DIP2B: variants seen among roughly 807,000 people sequenced by gnomAD.
The protein encoded by DIP2B is disco-interacting protein 2 homolog B.
Under a neutral mutation model 198.0 loss-of-function variants are expected in DIP2B, and 76 were observed. That is an observed-to-expected ratio of 0.38 (90% CI 0.32 to 0.46). DIP2B has a LOEUF of 0.46. Ranked by LOEUF, DIP2B falls within the 20% of genes least tolerant of loss-of-function variation. The pLI is 0.99. For missense variants in DIP2B, 1,559 were observed against 1,978.4 expected (o/e 0.79, Z 4.02); for synonymous variants, 701 against 739.1 (o/e 0.95, Z 0.84).
chr12:50,689,219 G>A lies in DIP2B; in HGVS notation c.1552-1830G>A, dbSNP rs550387436. Among the ~76,000 whole-genome samples the A allele has an allele frequency of 2.9e-3, 443 of 152,108 alleles. 5 individuals are homozygous for A. The highest frequency in any genetic ancestry group is 0.01 in the African/African-American group (418 of 41,500). On this transcript the variant is annotated intron_variant, in intron 12 of 37. Coordinates refer to ENST00000301180, the MANE Select transcript of DIP2B (RefSeq NM_173602.3). ...TCGAGACGAGCCTGGGCAACATGGCGAAATTCTGTCTCTACAAAAAATAAC... is the reference window on the plus strand; with the variant it reads ...TCGAGACGAGCCTGGGCAACATGGCAAAATTCTGTCTCTACAAAAAATAAC...
intron 1 of DIP2B, among the ~76,000 whole-genome samples, chr12:50,578,657 G>A (rs1411533895): frequency 4.6e-5 from 7 of 151,732 alleles, no homozygotes; most frequent in African/African-American, 1.7e-4. Flanking sequence ...ACAGGCGCCC[G>A]CCATCACACC....
At chr12:50,671,989 G>A (rs1321386414) in intron 5 of DIP2B, among the ~76,000 whole-genome samples, 10 of 152,160 alleles carry the variant, frequency 6.6e-5, no homozygotes, top group Non-Finnish European at 1.2e-4. Flanking sequence ...TTTTGTGTGT[G>A]TGTTTTTTTA....
intron 1 of DIP2B, among the ~76,000 whole-genome samples, chr12:50,582,277 A>G (rs1958732777): frequency 6.7e-6 from 1 of 149,902 alleles, no homozygotes; most frequent in Non-Finnish European, 1.5e-5. Context: ...TCAGCCTCCA[A>G]GTAGCTGGGA....
intron 37 of DIP2B, 57 bp from the exon 38 acceptor site, chr12:50,744,530 A>G (rs1447558578): frequency 2.0e-5 from 32 of 1,601,558 alleles, no homozygotes; most frequent in Admixed American, 1.7e-5. Flanking sequence ...GACAGATGCT[A>G]TAAAAGATAA....
chr12:50,665,735 C>A (rs187174771), intron 4 of DIP2B, among the ~76,000 whole-genome samples: 2 of 149,916 alleles, frequency 1.3e-5, no homozygotes, highest in Non-Finnish European at 3.0e-5. Flanking sequence ...ATAATCACAG[C>A]ACTGTACTCC....
At chr12:50,640,389 T>C (rs946958901) in intron 2 of DIP2B, among the ~76,000 whole-genome samples, 1 of 152,124 alleles carries the variant, frequency 6.6e-6, no homozygotes, top group Non-Finnish European at 1.5e-5. Flanking sequence ...CCCCAAGCTA[T>C]TCGTTGTCTC....
At chr12:50,537,478 C>T (rs570062623) in intron 1 of DIP2B, among the ~76,000 whole-genome samples, 4 of 151,900 alleles carry the variant, frequency 2.6e-5, no homozygotes, top group East Asian at 1.9e-4. Flanking sequence ...TCTGAGTTGC[C>T]GGTTTGGGGT....
At position 50,623,392 on chromosome 12, in the gene DIP2B, TAC is replaced by T. The variant is rs55689070; in HGVS notation, c.101-2539_101-2538del. 5.5e-3 allele frequency among the ~76,000 whole-genome samples: 517 copies of T among 94,412 alleles called. 4 individuals are homozygous for T. Among genetic ancestry groups the T allele is most frequent in the African/African-American group, 0.011 (264 of 24,536 alleles). The allele number at this position is 94,412 out of a possible 152,430, so 61.9% of individuals were successfully genotyped here. A position where few individuals can be genotyped will look rare whatever the true frequency, so the allele number is the denominator to read the frequency against. On this transcript the variant is annotated intron_variant, in intron 1 of 37. Coordinates refer to ENST00000301180, the MANE Select transcript of DIP2B (RefSeq NM_173602.3). ...ACCCTGCCTCCAAAATATATGTATCTACACACACACACACACACACACACACA... is the reference window on the plus strand; with the variant it reads ...ACCCTGCCTCCAAAATATATGTATCTACACACACACACACACACACACACA...
At chr12:50,667,683 C>A (rs1163669114) in intron 4 of DIP2B, among the ~76,000 whole-genome samples, 1 of 152,184 alleles carries the variant, frequency 6.6e-6, no homozygotes, top group Admixed American at 6.5e-5. Flanking sequence ...GTATTATTTT[C>A]TTCTACCAAC....
chr12:50,576,257 C>T (rs528621940), intron 1 of DIP2B, among the ~76,000 whole-genome samples: 3 of 149,880 alleles, frequency 2.0e-5, no homozygotes, highest in African/African-American at 2.5e-5. Context: ...TTAGTAGAGA[C>T]GGTTTCTCCA....
chr12:50,574,783 A>C (rs1334933975), intron 1 of DIP2B, among the ~76,000 whole-genome samples: 1 of 152,244 alleles, frequency 6.6e-6, no homozygotes, highest in African/African-American at 2.4e-5. Context: ...GGGTAGGAGA[A>C]GTAGCCTGAC....
At chr12:50,717,896 CTTTTT>C (rs60627093) in intron 23 of DIP2B, among the ~76,000 whole-genome samples, 3 of 87,056 alleles carry the variant, frequency 3.4e-5, no homozygotes, top group Admixed American at 3.3e-4. Flanking sequence ...CCATTATTCA[CTTTTT>C]TTTTTTTTTT....
At chr12:50,651,398 T>C (rs1221936716) in intron 3 of DIP2B, among the ~76,000 whole-genome samples, 1 of 152,260 alleles carries the variant, frequency 6.6e-6, no homozygotes, top group Non-Finnish European at 1.5e-5. Flanking sequence ...CAATAAATTG[T>C]TGTCAAATCC....
At chr12:50,723,177 C>G in intron 26 of DIP2B, 25 bp from the exon 27 acceptor site, 1 of 1,613,564 alleles carries the variant, frequency 6.2e-7, no homozygotes, top group South Asian at 1.1e-5. Context: ...CAGTGACTCT[C>G]CTGACAGGGT....
chr12:50,572,355 TA>T (rs1313740566), intron 1 of DIP2B, among the ~76,000 whole-genome samples: 20 of 152,226 alleles, frequency 1.3e-4, no homozygotes, highest in African/African-American at 4.3e-4. Flanking sequence ...ATTGTGAAGT[TA>T]AAATATATTT....
intron 1 of DIP2B, among the ~76,000 whole-genome samples, chr12:50,560,833 A>G (rs1048066705): frequency 1.3e-5 from 2 of 152,214 alleles, no homozygotes; most frequent in Admixed American, 1.3e-4. Flanking sequence ...TTACAGCCTG[A>G]TGATCACTAA....
chr12:50,608,810 AG>A (rs1449009867), intron 1 of DIP2B, among the ~76,000 whole-genome samples: 10 of 152,214 alleles, frequency 6.6e-5, no homozygotes, highest in Non-Finnish European at 1.5e-4. Flanking sequence ...AATCCAGCCT[AG>A]AACAAAATTT....
chr12:50,680,504 T>C (rs1939022170), intron 8 of DIP2B, among the ~76,000 whole-genome samples, 168 bp from the exon 9 acceptor site: 2 of 152,220 alleles, frequency 1.3e-5, no homozygotes, highest in Non-Finnish European at 2.9e-5. Flanking sequence ...ATAGAAAGCT[T>C]TTGTGGGGAG....
Position 50,600,886 on chromosome 12 carries a change from G to GACCACCATCACCACCACC in DIP2B, c.101-25082_101-25065dup, listed in dbSNP as rs1375784292. Among the ~76,000 whole-genome samples, 3 of 135,088 alleles carry GACCACCATCACCACCACC rather than the reference G, an allele frequency of 2.2e-5. No homozygotes were observed. The East Asian group carries it at 6.8e-4, about 30-fold the overall frequency. 88.6% of individuals were successfully genotyped at this position (135,088 alleles called of 152,430 possible). On this transcript the variant is annotated intron_variant, in intron 1 of 37. Coordinates refer to ENST00000301180, the MANE Select transcript of DIP2B (RefSeq NM_173602.3). ...CTGGTCTTACCACCATCACCACCAT[G>GACCACCATCACCACCACC]ACCACCATCACCACCACCACCACCA...
Sources: gnomAD v4.1 joint callset for allele counts (sites outside exome capture counted in the v4.1 genomes callset) on GRCh38, gnomAD v4.1.1 for gene constraint, MANE v1.5 for transcripts, NCBI Gene and HGNC (gene_info 2026-07-23, HGNC 2026-07-21) for gene names.